The following SESN1 variants were observed in gnomAD, a reference collection of about 807,000 sequenced individuals.
The protein encoded by SESN1 is sestrin-1.
In SESN1, 30 loss-of-function variants were observed where a neutral mutation model predicts 59.3. That is an observed-to-expected ratio of 0.51 (90% CI 0.38 to 0.69). The LOEUF (loss-of-function observed/expected upper bound fraction) is 0.69. Ranked by LOEUF, SESN1 falls within the 30% of genes least tolerant of loss-of-function variation. The pLI, the probability that SESN1 is intolerant of heterozygous loss-of-function variation, is 0.00. For missense variants in SESN1, 566 were observed against 673.0 expected (o/e 0.84, Z 1.76); for synonymous variants, 197 against 219.9 (o/e 0.90, Z 0.92).
intron 1 of SESN1, among the ~76,000 whole-genome samples, chr6:109,086,223 T>C (rs1250635594): frequency 6.6e-6 from 1 of 151,912 alleles, no homozygotes; most frequent in African/African-American, 2.4e-5. Flanking sequence ...TGGTGGCGCA[T>C]ACCTGTAATC....
chr6:109,091,468 G>A (rs747670423), intron 1 of SESN1, among the ~76,000 whole-genome samples: 2 of 151,978 alleles, frequency 1.3e-5, no homozygotes, highest in Non-Finnish European at 2.9e-5. Context: ...AGCTATTCAC[G>A]CCACCCTCAA....
intron 5 of SESN1, among the ~76,000 whole-genome samples, chr6:108,996,694 C>CT (rs1263399587): frequency 1.3e-5 from 2 of 151,882 alleles, no homozygotes; most frequent in African/African-American, 2.4e-5. Flanking sequence ...TAAGAAAACT[C>CT]TTTTTTCTTT....
intron 1 of SESN1, among the ~76,000 whole-genome samples, chr6:109,011,637 T>C (rs1176707729): frequency 6.6e-6 from 1 of 150,936 alleles, no homozygotes; most frequent in Non-Finnish European, 1.5e-5. Flanking sequence ...TTTTTCTTTT[T>C]TTTTTTTTTT....
At chr6:109,039,392 C>G (rs1780302946) in intron 1 of SESN1, among the ~76,000 whole-genome samples, 1 of 152,190 alleles carries the variant, frequency 6.6e-6, no homozygotes, top group Non-Finnish European at 1.5e-5. Context: ...AATTTCCCTT[C>G]ACTTTTACAA....
intron 1 of SESN1, among the ~76,000 whole-genome samples, chr6:109,084,667 G>A (rs952182791): frequency 1.3e-5 from 2 of 152,030 alleles, no homozygotes; most frequent in Non-Finnish European, 2.9e-5. Context: ...ATTCTAAGAA[G>A]ACCTCTAACT....
intron 1 of SESN1, among the ~76,000 whole-genome samples, chr6:109,012,244 CTTTTTTT>C (rs1050059466): frequency 6.5e-5 from 9 of 138,944 alleles, no homozygotes; most frequent in African/African-American, 2.1e-4. Flanking sequence ...TTTGATATTT[CTTTTTTT>C]TTTTTTTTTG....
At chr6:108,992,030 T>G (rs2114268284) in intron 7 of SESN1, among the ~76,000 whole-genome samples, 1 of 152,360 alleles carries the variant, frequency 6.6e-6, no homozygotes, top group Non-Finnish European at 1.5e-5. Context: ...GCCCACATGA[T>G]GTCTTCAATT....
chr6:109,022,556 C>T (rs1212391045), intron 1 of SESN1, among the ~76,000 whole-genome samples: 2 of 150,862 alleles, frequency 1.3e-5, no homozygotes, highest in Non-Finnish European at 3.0e-5. Flanking sequence ...CTACAGGTGC[C>T]CACCACCACG....
intron 1 of SESN1, among the ~76,000 whole-genome samples, chr6:109,019,145 T>C (rs1010417482): frequency 1.8e-4 from 27 of 152,336 alleles, no homozygotes; most frequent in African/African-American, 6.5e-4. Context: ...TCTAGTAATA[T>C]TGTTTTATTA....
At chr6:109,065,943 A>G (rs901475230) in intron 1 of SESN1, among the ~76,000 whole-genome samples, 1 of 152,088 alleles carries the variant, frequency 6.6e-6, no homozygotes, top group African/African-American at 2.4e-5. Context: ...CTAATGTAAG[A>G]TAAGAGCCTA....
Position 109,094,374 on chromosome 6 carries a change from T to G in SESN1, c.-301A>C. On this transcript the variant is annotated 5_prime_UTR_variant, in exon 1 of 10. Transcript: ENST00000436639. Reference sequence around the variant, plus strand: ...AGAGAATTTCGGGGAAGCGTTCTCCTCCGTCTCGCGGGGTCAGTGGATATC... The same window carrying G: ...AGAGAATTTCGGGGAAGCGTTCTCCGCCGTCTCGCGGGGTCAGTGGATATC... 2.4e-6 allele frequency: 1 copy of G among 414,464 alleles called. No homozygotes were observed. Among genetic ancestry groups the G allele is most frequent in the Non-Finnish European group, 4.4e-6 (1 of 228,604 alleles). 25.7% of individuals were successfully genotyped at this position (414,464 alleles called of 1,614,324 possible).
rs760411329 is a variant in SESN1, at chr6:109,001,273, T to C, written c.546+15A>G. ...AAAATAGGCAAAAACAATTTTTCAC[T>C]GAATGTTTACAAACCATTATTCCAA... is the stretch of plus-strand genomic sequence containing the variant. On this transcript the variant is annotated intron_variant, in intron 3 of 9. Coordinates refer to ENST00000436639, the MANE Select transcript of SESN1 (RefSeq NM_014454.3). 2 of 1,606,820 alleles carry C rather than the reference T, an allele frequency of 1.2e-6. No homozygotes were observed. The highest frequency in any genetic ancestry group is 1.7e-5 in the Admixed American group (1 of 59,202).
In SESN1 at chr6:109,093,794, C is replaced by T. The variant is rs766758349; in HGVS notation, c.279+1G>A. 3.1e-6 allele frequency: 5 copies of T among 1,612,496 alleles called. No homozygotes were observed. Among genetic ancestry groups the T allele is most frequent in the South Asian group, 2.2e-5 (2 of 91,046 alleles). ...GTTGTATTTAAAATGCTCTTCCTTA[C>T]CTGGATGCTCTTCAGAATAAACTCA... On this transcript the variant is annotated splice_donor_variant, in intron 1 of 9. Coordinates refer to ENST00000436639, the MANE Select transcript of SESN1 (RefSeq NM_014454.3). LOFTEE classifies it high-confidence loss of function.
chr6:108,996,453 A>C (rs780678378), intron 5 of SESN1, among the ~76,000 whole-genome samples: 5 of 152,200 alleles, frequency 3.3e-5, no homozygotes, highest in Non-Finnish European at 7.3e-5. Flanking sequence ...AAAGTTTAAA[A>C]AAGATCTCTG....
chr6:109,053,288 C>T (rs923293001), intron 1 of SESN1, among the ~76,000 whole-genome samples: 1 of 152,116 alleles, frequency 6.6e-6, no homozygotes, highest in Non-Finnish European at 1.5e-5. Flanking sequence ...AGTCAAATAA[C>T]TTAAGATTAT....
At chr6:109,043,482 A>C (rs913488836) in intron 1 of SESN1, among the ~76,000 whole-genome samples, 43 of 152,184 alleles carry the variant, frequency 2.8e-4, no homozygotes, top group Non-Finnish European at 5.7e-4. Context: ...AGGAATTTAT[A>C]AAAAACAACG....
chr6:109,053,663 C>T (rs369142275), intron 1 of SESN1, among the ~76,000 whole-genome samples: 18 of 152,162 alleles, frequency 1.2e-4, no homozygotes, highest in African/African-American at 3.6e-4. Context: ...CTCTGGCATT[C>T]CTAAATGCAA....
At chr6:109,049,480 T>C (rs1780508311) in intron 1 of SESN1, among the ~76,000 whole-genome samples, 1 of 152,118 alleles carries the variant, frequency 6.6e-6, no homozygotes, top group Non-Finnish European at 1.5e-5. Context: ...CAATGTAGGA[T>C]AACTATAGTT....
chr6:109,031,030 CA>C (rs553157031), intron 1 of SESN1, among the ~76,000 whole-genome samples: 6 of 152,128 alleles, frequency 3.9e-5, no homozygotes, highest in Non-Finnish European at 8.8e-5. Flanking sequence ...CAATTCTAGG[CA>C]ACGTGTAATT....
Sources: allele counts gnomAD v4.1 joint callset (sites outside exome capture counted in the v4.1 genomes callset), GRCh38; gene constraint gnomAD v4.1.1; transcripts MANE v1.5; gene names NCBI Gene and HGNC (gene_info 2026-07-23, HGNC 2026-07-21).